The following ST7L variants were observed in gnomAD, a reference collection of about 807,000 sequenced individuals.
ST7L encodes suppressor of tumorigenicity 7 protein-like.
ST7L carries 57 observed loss-of-function variants against 72.5 expected under a neutral mutation model. That is an observed-to-expected ratio of 0.79 (90% CI 0.64 to 0.98). The LOEUF (loss-of-function observed/expected upper bound fraction) is 0.98. Among genes scored for constraint, ST7L ranks in the 50% least tolerant of loss-of-function variants. The pLI, the probability that ST7L is intolerant of heterozygous loss-of-function variation, is 0.00. For synonymous variants in ST7L, 221 were observed against 240.9 expected, an observed-to-expected ratio of 0.92 and a Z score of 0.77; for missense variants, 576 against 672.2, an observed-to-expected ratio of 0.86 and a Z score of 1.58.
chr1:112,545,900 T>C (rs1425663633), intron 13 of ST7L, among the ~76,000 whole-genome samples: 1 of 152,224 alleles, frequency 6.6e-6, no homozygotes, highest in African/African-American at 2.4e-5. Flanking sequence ...TTTTTTGAGA[T>C]GTACAGAGGA....
intron 14 of ST7L, among the ~76,000 whole-genome samples, chr1:112,536,460 A>G (rs540288221): frequency 1.3e-5 from 2 of 152,292 alleles, no homozygotes; most frequent in Admixed American, 6.5e-5. Context: ...TGGTAAGAAT[A>G]GTGGACAAAT....
chr1:112,561,849 T>C (rs952272285), intron 11 of ST7L, among the ~76,000 whole-genome samples: 1 of 151,526 alleles, frequency 6.6e-6, no homozygotes, highest in Non-Finnish European at 1.5e-5. Context: ...AATACAGTCA[T>C]GGTAAAATCA....
chr1:112,573,141 G>C (rs1351612911), intron 11 of ST7L, among the ~76,000 whole-genome samples: 1 of 152,032 alleles, frequency 6.6e-6, no homozygotes, highest in Non-Finnish European at 1.5e-5. Flanking sequence ...CTGAGGTTGG[G>C]AGTTTGACAC....
At chr1:112,589,414 G>A (rs1665349934) in intron 6 of ST7L, among the ~76,000 whole-genome samples, 1 of 151,884 alleles carries the variant, frequency 6.6e-6, no homozygotes, top group Non-Finnish European at 1.5e-5. Context: ...CCTATGTATG[G>A]GACATGTTTT....
At chr1:112,588,475 T>G (rs1472544616) in intron 6 of ST7L, among the ~76,000 whole-genome samples, 1 of 152,210 alleles carries the variant, frequency 6.6e-6, no homozygotes, top group Non-Finnish European at 1.5e-5. Flanking sequence ...TTTTTTAATG[T>G]TTTCATCATA....
intron 11 of ST7L, among the ~76,000 whole-genome samples, chr1:112,556,966 C>CAAAAAAGAAAAAAA (rs1659234301): frequency 2.0e-5 from 1 of 49,524 alleles, no homozygotes; most frequent in Non-Finnish European, 4.1e-5. Context: ...GACTCTGTCT[C>CAAAAAAGAAAAAAA]AAAAAAAAAA....
In ST7L at chr1:112,540,482, AG is replaced by A; in HGVS notation, c.1629+1468del. ...TACACTGAAAAGAAATAGAATAGTC[AG>A]TTTCCAAACCAAATAGCTATACTCC... is the stretch of plus-strand genomic sequence containing the variant. On this transcript the variant is annotated intron_variant, in intron 14 of 14. Coordinates refer to ENST00000358039, the MANE Select transcript of ST7L (RefSeq NM_017744.5). 3 of 985,482 alleles carry A rather than the reference AG, an allele frequency of 3.0e-6. No homozygotes were observed. In the South Asian group the frequency reaches 1.4e-4, roughly 46 times the overall value. The allele number at this position is 985,482 out of a possible 1,614,324, so 61.0% of individuals were successfully genotyped here.
chr1:112,533,814 C>G (rs1167116935), intron 14 of ST7L, among the ~76,000 whole-genome samples: 1 of 152,046 alleles, frequency 6.6e-6, no homozygotes, highest in Non-Finnish European at 1.5e-5. Context: ...CGCCACCATG[C>G]CTGGCTAATT....
rs115144484 is a variant in ST7L, at chr1:112,536,390, T to C, written c.1629+5561A>G. 2.4e-3 allele frequency among the ~76,000 whole-genome samples: 363 copies of C among 152,260 alleles called. 1 individual carries two copies. Among genetic ancestry groups the C allele is most frequent in the Admixed American group, 4.2e-3 (64 of 15,290 alleles). ...TTTTCAATTGGTATACATTAATATA[T>C]AGTTATAATTGTTTATTAACTCCCC... On this transcript the variant is annotated intron_variant, in intron 14 of 14. Transcript: ENST00000358039.
rs1276271999 is a variant in ST7L at position 112,584,139 on chromosome 1, C to T, written c.702-13G>A. ...TGCAGTGGCACAGCTATGAAGAAAG[C>T]AAGAAGGCAATTTTAAATAAAATGG... is the stretch of plus-strand genomic sequence containing the variant. On this transcript the variant is annotated splice_polypyrimidine_tract_variant and intron_variant, in intron 6 of 14. Coordinates refer to ENST00000358039, the MANE Select transcript of ST7L (RefSeq NM_017744.5). The T allele has an allele frequency of 6.2e-7, 1 of 1,604,152 alleles. No homozygotes were observed. The highest frequency in any genetic ancestry group is 1.7e-5 in the Admixed American group (1 of 57,984).
At chr1:112,581,067 T>C (rs996067382) in intron 9 of ST7L, among the ~76,000 whole-genome samples, 1 of 152,242 alleles carries the variant, frequency 6.6e-6, no homozygotes, top group Non-Finnish European at 1.5e-5. Context: ...TAAATTCCAG[T>C]TCCCTTATTC....
At chr1:112,586,225 C>T (rs748574945) in intron 6 of ST7L, among the ~76,000 whole-genome samples, 17 of 152,082 alleles carry the variant, frequency 1.1e-4, no homozygotes, top group Non-Finnish European at 2.2e-4. Flanking sequence ...GCCAGTAGTT[C>T]GAGACTAGCC....
upstream of ST7L, chr1:112,619,199 G>T (rs746896092): frequency 1.5e-6 from 2 of 1,341,454 alleles, no homozygotes; most frequent in African/African-American, 1.4e-5. Context: ...TGGCGGACCT[G>T]AAGTTGGCCT....
chr1:112,539,685 A>T (rs1655798542), intron 14 of ST7L: 3 of 981,266 alleles, frequency 3.1e-6, no homozygotes, highest in South Asian at 4.7e-5. Context: ...AAAAAGAAAA[A>T]GAAAAGAAAG....
chr1:112,606,577 G>T (rs1389920956), intron 3 of ST7L, among the ~76,000 whole-genome samples: 1 of 152,190 alleles, frequency 6.6e-6, no homozygotes, highest in Non-Finnish European at 1.5e-5. Context: ...CTCCAAAGCT[G>T]TTTCCACATA....
At chr1:112,578,291 A>T (rs1435836838) in intron 10 of ST7L, 54 bp downstream of exon 10, 8 of 1,473,806 alleles carry the variant, frequency 5.4e-6, no homozygotes, top group South Asian at 1.1e-5. Context: ...GAGGACAAGC[A>T]TAATACTGAG....
chr1:112,567,851 T>C (rs890076273), intron 11 of ST7L, among the ~76,000 whole-genome samples: 3 of 152,172 alleles, frequency 2.0e-5, no homozygotes, highest in African/African-American at 7.2e-5. Flanking sequence ...TATTTGAATA[T>C]AAAATAAAAT....
At chr1:112,588,463 A>G (rs1435092808) in intron 6 of ST7L, among the ~76,000 whole-genome samples, 2 of 152,142 alleles carry the variant, frequency 1.3e-5, no homozygotes, top group Non-Finnish European at 2.9e-5. Context: ...TTCCATTCCT[A>G]GTTTTTTAAT....
At chr1:112,570,711 T>C (rs1261126554) in intron 11 of ST7L, 1 of 455,710 alleles carries the variant, frequency 2.2e-6, no homozygotes, top group Non-Finnish European at 4.4e-6. Context: ...ATAGAGACCA[T>C]AACAGGAGAA....
Sources: gnomAD v4.1 joint callset for allele counts (sites outside exome capture counted in the v4.1 genomes callset) on GRCh38, gnomAD v4.1.1 for gene constraint, MANE v1.5 for transcripts, NCBI Gene and HGNC (gene_info 2026-07-23, HGNC 2026-07-21) for gene names.